TPH2: variants seen among roughly 807,000 people sequenced by gnomAD.
TPH2 encodes tryptophan 5-hydroxylase 2.
A neutral mutation model predicts 59.1 loss-of-function variants in TPH2; 27 were observed. The ratio of observed to expected loss-of-function variants is 0.46; its 90% CI spans 0.34 to 0.63. The LOEUF is 0.63. Ranked by LOEUF, TPH2 falls within the 30% of genes least tolerant of loss-of-function variation. The probability of loss-of-function intolerance (pLI) is 0.01; values close to 1 mark genes in which losing one functional copy is unlikely to be tolerated. For missense variants in TPH2, 523 were observed against 588.3 expected (o/e 0.89, Z 1.15); for synonymous variants, 220 against 210.5 (o/e 1.05, Z -0.39).
At chr12:72,027,148 G>C (rs1194207846) in intron 9 of TPH2, among the ~76,000 whole-genome samples, 1 of 152,002 alleles carries the variant, frequency 6.6e-6, no homozygotes, top group African/African-American at 2.4e-5. Context: ...AACTGTCATT[G>C]AAAAAGCAGG....
At chr12:72,011,144 G>T (rs1372252189) in intron 8 of TPH2, among the ~76,000 whole-genome samples, 1 of 152,162 alleles carries the variant, frequency 6.6e-6, no homozygotes, top group African/African-American at 2.4e-5. Flanking sequence ...TCAGCAAAGG[G>T]TCATTTGGAA....
chr12:71,940,123 T>C (rs1000502891), intron 1 of TPH2, among the ~76,000 whole-genome samples: 4 of 152,218 alleles, frequency 2.6e-5, no homozygotes, highest in Non-Finnish European at 4.4e-5. Context: ...GATATTACAA[T>C]GAAGAGTTTT....
At chr12:71,987,074 T>A (rs946433788) in intron 7 of TPH2, among the ~76,000 whole-genome samples, 3 of 152,148 alleles carry the variant, frequency 2.0e-5, no homozygotes, top group Non-Finnish European at 4.4e-5. Flanking sequence ...ATCCCACTCA[T>A]CTCTATTAGG....
intron 8 of TPH2, among the ~76,000 whole-genome samples, chr12:71,999,467 T>C (rs574102870): frequency 3.0e-4 from 45 of 152,220 alleles, no homozygotes; most frequent in Non-Finnish European, 5.3e-4. Context: ...CCGAGGTCTG[T>C]GTGTGATAGA....
intron 5 of TPH2, among the ~76,000 whole-genome samples, chr12:71,970,806 A>T (rs1177900737): frequency 6.6e-6 from 1 of 152,240 alleles, no homozygotes; most frequent in Non-Finnish European, 1.5e-5. Context: ...TCAACAGCCA[A>T]ATTTAAACAA....
intron 8 of TPH2, among the ~76,000 whole-genome samples, chr12:72,005,318 G>T (rs1872924930): frequency 6.6e-6 from 1 of 152,062 alleles, no homozygotes; most frequent in African/African-American, 2.4e-5. Flanking sequence ...GGGTGACTCA[G>T]GGACTTCTTT....
intron 8 of TPH2, among the ~76,000 whole-genome samples, chr12:72,000,713 G>A (rs558520632): frequency 6.6e-6 from 1 of 152,290 alleles, no homozygotes; most frequent in Non-Finnish European, 1.5e-5. Context: ...TAAATATCAT[G>A]CAGTATGAGA....
intron 7 of TPH2, among the ~76,000 whole-genome samples, chr12:71,983,878 T>C (rs978884047): frequency 5.9e-5 from 9 of 151,878 alleles, no homozygotes; most frequent in African/African-American, 1.2e-4. Context: ...GATGTCTCAG[T>C]GGTCTGTTTA....
chr12:71,958,749 G>A (rs1339167957), intron 5 of TPH2, among the ~76,000 whole-genome samples: 1 of 152,174 alleles, frequency 6.6e-6, no homozygotes, highest in Non-Finnish European at 1.5e-5. Context: ...TCAATTGCCA[G>A]GGATGTGTCA....
intron 7 of TPH2, among the ~76,000 whole-genome samples, chr12:71,982,816 G>A (rs186636570): frequency 7.2e-5 from 11 of 152,318 alleles, no homozygotes; most frequent in Admixed American, 5.2e-4. Flanking sequence ...AGGTAGAAAT[G>A]AGCATGAAGC....
Position 71,963,808 on chromosome 12 carries a change from CAAA to C in TPH2, c.609-8693_609-8691del, listed in dbSNP as rs1174520030. Among the ~76,000 whole-genome samples the C allele has an allele frequency of 4.1e-4, 6 of 14,462 alleles. 1 individual carries two copies. The highest frequency in any genetic ancestry group is 3.7e-3 in the East Asian group (2 of 544). The allele number at this position is 14,462 out of a possible 152,430, so 9.5% of individuals were successfully genotyped here. On this transcript the variant is annotated intron_variant, in intron 5 of 10. Transcript: ENST00000333850. Reference sequence around the variant, plus strand: ...TGGGTGACAGAGTCAGATTCTGTCTCAAAAAAAAAAAAAAAAAAAATCTGCTTA... The same window carrying C: ...TGGGTGACAGAGTCAGATTCTGTCTCAAAAAAAAAAAAAAAAATCTGCTTA...
At chr12:71,989,630 T>G (rs953491243) in intron 7 of TPH2, among the ~76,000 whole-genome samples, 11 of 152,244 alleles carry the variant, frequency 7.2e-5, no homozygotes, top group African/African-American at 2.7e-4. Context: ...CTCAGTCAAT[T>G]CCTCGTAAAG....
intron 8 of TPH2, among the ~76,000 whole-genome samples, chr12:72,009,778 C>T (rs559895920): frequency 6.6e-6 from 1 of 152,208 alleles, no homozygotes; most frequent in Non-Finnish European, 1.5e-5. Context: ...AGACAGACCC[C>T]TGTCTTTTCT....
chr12:71,958,981 T>G (rs1435477218), intron 5 of TPH2, among the ~76,000 whole-genome samples: 1 of 151,956 alleles, frequency 6.6e-6, no homozygotes, highest in Non-Finnish European at 1.5e-5. Flanking sequence ...CTCAGCTCTA[T>G]CAGAGAGACA....
In TPH2 at chr12:71,949,603, G is replaced by A. The variant is rs1871288857; in HGVS notation, c.556G>A (p.Val186Ile). Residue 186 changes from valine to isoleucine, a missense_variant, in exon 5 of 11, where the codon GTC (valine) becomes ATC (isoleucine). Transcript: ENST00000333850. ...DADHPGFKDN[V>I]YRQRRKYFVD... ...TGTGTTTAAGGGATTTAAGGACAAT[G>A]TCTATCGACAGAGAAGAAAGTATTT... 1 of 1,613,118 alleles carries A rather than the reference G, an allele frequency of 6.2e-7. No homozygotes were observed. Among genetic ancestry groups the A allele is most frequent in the Non-Finnish European group, 8.5e-7 (1 of 1,179,256 alleles).
At chr12:71,961,069 G>A (rs1871666938) in intron 5 of TPH2, among the ~76,000 whole-genome samples, 1 of 152,164 alleles carries the variant, frequency 6.6e-6, no homozygotes, top group South Asian at 2.1e-4. Flanking sequence ...TTTCGAATGA[G>A]GAAACGGAGG....
chr12:71,968,259 A>G (rs1465557725), intron 5 of TPH2, among the ~76,000 whole-genome samples: 1 of 152,224 alleles, frequency 6.6e-6, no homozygotes, highest in Non-Finnish European at 1.5e-5. Context: ...TGTCAGTGAC[A>G]TACCATAGCT....
chr12:71,956,756 C>T (rs1871519153), intron 5 of TPH2, among the ~76,000 whole-genome samples: 1 of 151,896 alleles, frequency 6.6e-6, no homozygotes, highest in South Asian at 2.1e-4. Flanking sequence ...ACCACAGGTG[C>T]ATGCCATCAT....
At chr12:71,971,393 GTC>G (rs1871970107) in intron 5 of TPH2, among the ~76,000 whole-genome samples, 1 of 152,198 alleles carries the variant, frequency 6.6e-6, no homozygotes, top group African/African-American at 2.4e-5. Flanking sequence ...TGTTGAGTAT[GTC>G]ATGAGAGGTT....
Sources: gnomAD v4.1 joint callset for allele counts (sites outside exome capture counted in the v4.1 genomes callset) on GRCh38, gnomAD v4.1.1 for gene constraint, MANE v1.5 for transcripts, NCBI Gene and HGNC (gene_info 2026-07-23, HGNC 2026-07-21) for gene names.